Variants in PRKG2 observed in about 807,000 individuals in gnomAD.
PRKG2 encodes the protein cGMP-dependent protein kinase 2.
In PRKG2, 33 loss-of-function variants were observed where a neutral mutation model predicts 97.2. That is an observed-to-expected ratio of 0.34 (90% CI 0.26 to 0.45). The LOEUF is 0.45. PRKG2 is among the 20% of genes least tolerant of loss of function. The probability of loss-of-function intolerance (pLI) is 1.00; values close to 1 mark genes in which losing one functional copy is unlikely to be tolerated. For synonymous variants in PRKG2, 330 were observed against 321.8 expected (o/e 1.03, Z -0.27); for missense variants, 638 against 900.0 (o/e 0.71, Z 3.73).
At chr4:81,216,067 G>T (rs1019229531), upstream of PRKG2, among the ~76,000 whole-genome samples, 3 of 152,124 alleles carry the variant, frequency 2.0e-5, no homozygotes, top group Admixed American at 1.3e-4. Flanking sequence ...TTGAGAGATG[G>T]AAAGTATAGT....
At chr4:81,125,388 C>A (rs1745454723) in intron 14 of PRKG2, among the ~76,000 whole-genome samples, 1 of 152,160 alleles carries the variant, frequency 6.6e-6, no homozygotes, top group Admixed American at 6.5e-5. Context: ...AGGAATCATG[C>A]AGAAGATACT....
intron 4 of PRKG2, 73 bp from the exon 5 acceptor site, chr4:81,169,841 G>C: frequency 2.1e-6 from 2 of 953,982 alleles, no homozygotes; most frequent in Non-Finnish European, 3.1e-6. Flanking sequence ...ATAAATCGAT[G>C]GATTTGTTAT....
At chr4:81,113,437 G>T (rs976262738) in intron 14 of PRKG2, among the ~76,000 whole-genome samples, 2 of 151,804 alleles carry the variant, frequency 1.3e-5, no homozygotes, top group South Asian at 4.2e-4. Context: ...TTGTACACAG[G>T]TTTGCCCTTG....
chr4:81,172,919 A>G (rs1386599651), intron 3 of PRKG2, among the ~76,000 whole-genome samples: 1 of 152,124 alleles, frequency 6.6e-6, no homozygotes, highest in Admixed American at 6.6e-5. Context: ...AGCAAGGAAA[A>G]AAAACACTCA....
At chr4:81,181,827 T>A (rs775633474) in intron 2 of PRKG2, among the ~76,000 whole-genome samples, 5 of 151,958 alleles carry the variant, frequency 3.3e-5, no homozygotes, top group Non-Finnish European at 7.4e-5. Flanking sequence ...ATAAAATTTT[T>A]AAAATGACAT....
rs553970165 is a variant in PRKG2, at chr4:81,159,349, C to G, written c.913-5628G>C. Among the ~76,000 whole-genome samples, 643 of 152,222 alleles carry G rather than the reference C, an allele frequency of 4.2e-3. 4 individuals carry two copies. Among genetic ancestry groups the G allele is most frequent in the Non-Finnish European group, 7.0e-3 (479 of 68,016 alleles). On this transcript the variant is annotated intron_variant, in intron 6 of 18. Coordinates refer to ENST00000264399, the MANE Select transcript of PRKG2 (RefSeq NM_006259.3). ...AAGACATTTATGCAGCCAAAAGACA[C>G]ATGAAAAAATGCTCATCATCACTGG...
chr4:81,128,265 T>C (rs1745807421), intron 14 of PRKG2, among the ~76,000 whole-genome samples: 1 of 152,212 alleles, frequency 6.6e-6, no homozygotes, highest in Non-Finnish European at 1.5e-5. Context: ...ACATCGATGT[T>C]CATCAGGGAT....
At chr4:81,165,603 A>G (rs192336101) in intron 6 of PRKG2, among the ~76,000 whole-genome samples, 1 of 152,298 alleles carries the variant, frequency 6.6e-6, no homozygotes, top group Admixed American at 6.5e-5. Flanking sequence ...ATTTTCACAC[A>G]TCACAGAGAC....
At chr4:81,156,062 C>A (rs1578437803) in intron 6 of PRKG2, among the ~76,000 whole-genome samples, 1 of 151,910 alleles carries the variant, frequency 6.6e-6, no homozygotes, top group East Asian at 1.9e-4. Flanking sequence ...ATGACAGGAT[C>A]AAATTCACAC....
intron 1 of PRKG2, among the ~76,000 whole-genome samples, chr4:81,209,851 G>T (rs928691845): frequency 1.3e-5 from 2 of 151,998 alleles, no homozygotes; most frequent in African/African-American, 4.8e-5. Flanking sequence ...ATATAGTGTT[G>T]TATTGGTGAA....
intron 14 of PRKG2, among the ~76,000 whole-genome samples, chr4:81,115,115 G>A (rs989395451): frequency 8.6e-5 from 13 of 151,814 alleles, no homozygotes; most frequent in African/African-American, 2.9e-4. Flanking sequence ...TCTAGGTTAC[G>A]CAGTAGAAAT....
chr4:81,114,964 CTATA>C (rs941629922), intron 14 of PRKG2, among the ~76,000 whole-genome samples: 70 of 152,210 alleles, frequency 4.6e-4, no homozygotes, highest in African/African-American at 1.6e-3. Context: ...AATCTATACT[CTATA>C]TAGTCCACTA....
At chr4:81,142,770 A>T (rs1228024808) in intron 11 of PRKG2, 24 bp downstream of exon 11, 1 of 1,522,114 alleles carries the variant, frequency 6.6e-7, no homozygotes, top group East Asian at 2.3e-5. Flanking sequence ...CTTCTCTCAG[A>T]TGCTTGAAAC....
intron 2 of PRKG2, among the ~76,000 whole-genome samples, chr4:81,189,545 G>T (rs1414164508): frequency 6.7e-6 from 1 of 149,858 alleles, no homozygotes; most frequent in South Asian, 2.1e-4. Context: ...CTCACTCATA[G>T]GTGGGAATTG....
In PRKG2 at chr4:81,142,856, G is replaced by C; in HGVS notation, c.1345C>G (p.Pro449Ala). The stretch of plus-strand genomic sequence containing the variant: ...GCAATAATCTCAAGGTTCTGGAATG[G>C]GGATGATGAGGAAAATCTGGCCACC... The part of the protein sequence containing the change: ...EKVARFSSSS[P>A]FQNLEIIATL... The change falls in exon 11 of 19, where the codon CCA becomes GCA. Residue 449 changes from proline (P) to alanine (A), a missense_variant. Physicochemically the swap from Pro to Ala is conservative, Grantham distance 27. Coordinates refer to ENST00000264399, the MANE Select transcript of PRKG2 (RefSeq NM_006259.3). The C allele has an allele frequency of 6.2e-7, 1 of 1,613,196 alleles. No individual in the cohort carries two copies. Among genetic ancestry groups the C allele is most frequent in the Non-Finnish European group, 8.5e-7 (1 of 1,179,402 alleles).
rs568689853 is a variant in PRKG2 at position 81,195,679 on chromosome 4, T to C, written c.461+8908A>G. 1.1e-4 allele frequency among the ~76,000 whole-genome samples: 16 copies of C among 152,352 alleles called. 2 individuals carry two copies. The South Asian group carries it at 3.3e-3, about 32-fold the overall frequency. Reference sequence around the variant, plus strand: ...GTCTGGCTAATGTCTGCAAGCTTCATTCCTGCTGTAGTATGTGTCAGAGTT... The same window carrying C: ...GTCTGGCTAATGTCTGCAAGCTTCACTCCTGCTGTAGTATGTGTCAGAGTT... On this transcript the variant is annotated intron_variant, in intron 2 of 18. Coordinates refer to ENST00000264399, the MANE Select transcript of PRKG2 (RefSeq NM_006259.3).
Position 81,142,889 on chromosome 4 carries a change from T to A in PRKG2, c.1312A>T (p.Lys438Ter). The A allele has an allele frequency of 6.2e-7, 1 of 1,613,626 alleles. No individual in the cohort carries two copies. The highest frequency in any genetic ancestry group is 8.5e-7 in the Non-Finnish European group (1 of 1,179,636). Residue 438 changes from lysine (K) to a stop codon, truncating the protein, a stop_gained, in exon 11 of 19, where the codon AAG becomes TAG. Coordinates refer to ENST00000264399, the MANE Select transcript of PRKG2 (RefSeq NM_006259.3). LOFTEE classifies it high-confidence loss of function. ...KALSLEMIQL[K>*]EKVARFSSSS... ...GAGGAAAATCTGGCCACCTTCTCCT[T>A]CAGCTGAATCATTTCCAGAGAGAGT... is the stretch of plus-strand genomic sequence containing the variant.
At chr4:81,155,397 C>T (rs202042699) in intron 6 of PRKG2, among the ~76,000 whole-genome samples, 459 of 151,940 alleles carry the variant, frequency 3.0e-3, no homozygotes, top group African/African-American at 0.01. Flanking sequence ...TAAAAAGAAA[C>T]GAGCAAAGCC....
At position 81,140,422 on chromosome 4, in the gene PRKG2, T is replaced by G. The variant is rs1409259318; in HGVS notation, c.1544+111A>C. ...ATTTCATGTACCCCATAAATATATA[T>G]GCCTACTATGTACCCACAAAAATTA... On this transcript the variant is annotated intron_variant, in intron 12 of 18. Coordinates refer to ENST00000264399, the MANE Select transcript of PRKG2 (RefSeq NM_006259.3). 5 of 916,968 alleles carry G rather than the reference T, an allele frequency of 5.5e-6. No homozygotes were observed. The East Asian group carries it at 1.2e-4, about 22-fold the overall frequency. The allele number at this position is 916,968 out of a possible 1,614,324, so 56.8% of individuals were successfully genotyped here. A position where few individuals can be genotyped will look rare whatever the true frequency, so the allele number is the denominator to read the frequency against.
Sources: gnomAD v4.1 joint callset for allele counts (sites outside exome capture counted in the v4.1 genomes callset) on GRCh38, gnomAD v4.1.1 for gene constraint, MANE v1.5 for transcripts, NCBI Gene and HGNC (gene_info 2026-07-23, HGNC 2026-07-21) for gene names.